The following PDE4D variants were observed in gnomAD, a reference collection of about 807,000 sequenced individuals.
PDE4D encodes the protein 3',5'-cyclic-AMP phosphodiesterase 4D.
A neutral mutation model predicts 87.4 loss-of-function variants in PDE4D; 24 were observed. That is an observed-to-expected ratio of 0.27 (90% confidence interval 0.20 to 0.39). The LOEUF is 0.39. PDE4D is among the 10% of genes least tolerant of loss of function. The pLI, the probability that PDE4D is intolerant of heterozygous loss-of-function variation, is 1.00. For synonymous variants in PDE4D, 384 were observed against 383.2 expected (o/e 1.00, Z -0.02); for missense variants, 714 against 1,041.0 (o/e 0.69, Z 4.32).
At chr5:59,628,132 T>C (rs1240612004) in intron 1 of PDE4D, among the ~76,000 whole-genome samples, 1 of 152,186 alleles carries the variant, frequency 6.6e-6, no homozygotes, top group Non-Finnish European at 1.5e-5. Flanking sequence ...GACAACCCCT[T>C]TACAGCTTTT....
intron 1 of PDE4D, among the ~76,000 whole-genome samples, chr5:60,518,297 C>T (rs911165869): frequency 6.6e-6 from 1 of 152,234 alleles, no homozygotes; most frequent in African/African-American, 2.4e-5. Context: ...GTGGGCAGAA[C>T]CAGCCCAGTG....
upstream of PDE4D, among the ~76,000 whole-genome samples, chr5:59,896,130 G>C (rs1751614692): frequency 6.6e-6 from 1 of 152,098 alleles, no homozygotes; most frequent in African/African-American, 2.4e-5. Flanking sequence ...TGTTACTTTA[G>C]CTAAATTATT....
At chr5:59,803,971 A>G (rs1334124604) in intron 1 of PDE4D, among the ~76,000 whole-genome samples, 1 of 152,200 alleles carries the variant, frequency 6.6e-6, no homozygotes, top group Non-Finnish European at 1.5e-5. Flanking sequence ...AGCTTATAAT[A>G]TTTTAGACTT....
chr5:60,080,069 T>A (rs1773757134), intron 2 of PDE4D, among the ~76,000 whole-genome samples: 1 of 152,314 alleles, frequency 6.6e-6, no homozygotes, highest in Admixed American at 6.5e-5. Flanking sequence ...TGGCTTATAG[T>A]TCTCCTTGAA....
At chr5:60,223,937 G>T (rs994402539) in intron 1 of PDE4D, among the ~76,000 whole-genome samples, 1 of 152,034 alleles carries the variant, frequency 6.6e-6, no homozygotes. Context: ...TGAAATGAAG[G>T]TTCCTCACCA....
chr5:59,997,440 T>C (rs1172081517), intron 2 of PDE4D, among the ~76,000 whole-genome samples: 1 of 152,140 alleles, frequency 6.6e-6, no homozygotes, highest in Non-Finnish European at 1.5e-5. Context: ...TTTATTTAAA[T>C]ACCAATACCA....
chr5:60,483,286 C>A (rs1036039139), intron 1 of PDE4D, among the ~76,000 whole-genome samples: 1 of 152,156 alleles, frequency 6.6e-6, no homozygotes, highest in Non-Finnish European at 1.5e-5. Flanking sequence ...ACCTCAGCAT[C>A]CCAAGTAGCT....
intron 6 of PDE4D, among the ~76,000 whole-genome samples, chr5:59,002,959 CA>C (rs1242238250): frequency 6.6e-6 from 1 of 152,120 alleles, no homozygotes; most frequent in African/African-American, 2.4e-5. Flanking sequence ...GTAAAGATGA[CA>C]GTGACAATGA....
Position 60,114,978 on chromosome 5 carries a change from A to ATGGATGGATGGATGGCTGGC in PDE4D, c.42+70578_42+70579insGCCAGCCATCCATCCATCCA, listed in dbSNP as rs145654898. 1.2e-3 allele frequency among the ~76,000 whole-genome samples: 177 copies of ATGGATGGATGGATGGCTGGC among 149,334 alleles called. 1 individual carries two copies. In the East Asian group the frequency reaches 0.014, roughly 12 times the overall value. ...GATGGATGGATGGATGGATGGATGGATGGCTAGATAATACTTAGGATGCCT... is the reference window on the plus strand; with the variant it reads ...GATGGATGGATGGATGGATGGATGGATGGATGGATGGATGGCTGGCTGGCTAGATAATACTTAGGATGCCT... On this transcript the variant is annotated intron_variant, in intron 2 of 16. Coordinates refer to the PDE4D transcript ENST00000502484.
chr5:59,620,217 A>G (rs1192132908), intron 1 of PDE4D, among the ~76,000 whole-genome samples: 1 of 152,174 alleles, frequency 6.6e-6, no homozygotes, highest in Non-Finnish European at 1.5e-5. Context: ...GCTCCATCCA[A>G]TTGGGTCTGG....
At chr5:60,107,859 C>T (rs2063113851) in intron 2 of PDE4D, among the ~76,000 whole-genome samples, 1 of 152,132 alleles carries the variant, frequency 6.6e-6, no homozygotes, top group African/African-American at 2.4e-5. Context: ...GGACGTATCT[C>T]AAAATAAGAA....
At chr5:60,466,303 C>T (rs960590667) in intron 1 of PDE4D, among the ~76,000 whole-genome samples, 14 of 152,122 alleles carry the variant, frequency 9.2e-5, no homozygotes, top group Middle Eastern at 3.2e-3. Flanking sequence ...GAGACCCTCA[C>T]GGATAAAGTA....
At chr5:59,120,052 C>CA (rs1561518609) in intron 5 of PDE4D, among the ~76,000 whole-genome samples, 2 of 152,068 alleles carry the variant, frequency 1.3e-5, no homozygotes, top group Non-Finnish European at 2.9e-5. Flanking sequence ...AGGCTGGTCT[C>CA]AAACTCCTGG....
At chr5:60,006,693 T>C (rs1764527859) in intron 2 of PDE4D, among the ~76,000 whole-genome samples, 1 of 152,002 alleles carries the variant, frequency 6.6e-6, no homozygotes, top group Non-Finnish European at 1.5e-5. Flanking sequence ...TAGAAATTTT[T>C]CCCATTGTTC....
chr5:60,257,154 T>A (rs1390855468), intron 1 of PDE4D, among the ~76,000 whole-genome samples: 1 of 147,616 alleles, frequency 6.8e-6, no homozygotes, highest in African/African-American at 2.5e-5. Flanking sequence ...CTTCTGCATG[T>A]AATAAGAAGT....
chr5:59,502,793 A>C (rs1213559898), intron 1 of PDE4D, among the ~76,000 whole-genome samples: 1 of 151,850 alleles, frequency 6.6e-6, no homozygotes, highest in Non-Finnish European at 1.5e-5. Flanking sequence ...AAATTAAAGC[A>C]TGGAGAAATT....
chr5:59,295,884 G>C (rs1032488545), intron 1 of PDE4D, among the ~76,000 whole-genome samples: 4 of 151,844 alleles, frequency 2.6e-5, no homozygotes, highest in African/African-American at 7.3e-5. Flanking sequence ...CTGATGGACA[G>C]CAACTCATAT....
intron 1 of PDE4D, among the ~76,000 whole-genome samples, chr5:59,869,010 GT>G (rs1747437565): frequency 6.6e-6 from 1 of 152,118 alleles, no homozygotes; most frequent in African/African-American, 2.4e-5. Context: ...AATAACAGTA[GT>G]TTATCCTTTC....
intron 1 of PDE4D, among the ~76,000 whole-genome samples, chr5:59,662,970 T>C (rs1384935135): frequency 3.9e-5 from 6 of 152,230 alleles, no homozygotes; most frequent in Non-Finnish European, 8.8e-5. Flanking sequence ...ACATTTTAAG[T>C]TGGAAAATAT....
Sources: gnomAD v4.1 joint callset for allele counts (sites outside exome capture counted in the v4.1 genomes callset) on GRCh38, gnomAD v4.1.1 for gene constraint, MANE v1.5 for transcripts, NCBI Gene and HGNC (gene_info 2026-07-23, HGNC 2026-07-21) for gene names.